The following PSD4 variants were observed in gnomAD, a reference collection of about 807,000 sequenced individuals.
PSD4 encodes the protein pleckstrin and Sec7 domain containing 4, also known as PH and SEC7 domain-containing protein 4.
A neutral mutation model predicts 112.5 loss-of-function variants in PSD4; 59 were observed. That is an observed-to-expected ratio of 0.52 (90% CI 0.43 to 0.65). The LOEUF is 0.65. PSD4 is among the 30% of genes least tolerant of loss of function. PSD4 has a pLI of 0.00. For synonymous variants in PSD4, 533 were observed against 540.0 expected (o/e 0.99, Z 0.18); for missense variants, 1,267 against 1,352.6 (o/e 0.94, Z 0.99).
intron 5 of PSD4, among the ~76,000 whole-genome samples, chr2:113,188,389 G>A (rs774969118): frequency 8.6e-5 from 13 of 151,948 alleles, no homozygotes; most frequent in African/African-American, 1.9e-4. Context: ...GATTACAGGC[G>A]TGTGCCACCA....
intron 6 of PSD4, among the ~76,000 whole-genome samples, chr2:113,192,826 C>G (rs1405993939): frequency 6.6e-6 from 1 of 152,236 alleles, no homozygotes. Context: ...CCAGACTCCA[C>G]AGGTCTCTCC....
intron 11 of PSD4, 28 bp downstream of exon 11, chr2:113,195,798 C>T: frequency 6.2e-7 from 1 of 1,613,742 alleles, no homozygotes; most frequent in Non-Finnish European, 8.5e-7. Flanking sequence ...TCCCCTCTCC[C>T]TCTCACCCCT....
At position 113,197,811 on chromosome 2, in the gene PSD4, G is replaced by A; in HGVS notation, c.2522G>A (p.Gly841Glu). ...LVGQMVDEPVGVHHSLATPAT... is the reference protein window; with the variant it reads ...LVGQMVDEPVEVHHSLATPAT... Reference sequence around the variant, plus strand: ...GGGCAGATGGTGGATGAGCCCGTGGGGGTGCACCACTCGCTGGCCACCCCC... The same window carrying A: ...GGGCAGATGGTGGATGAGCCCGTGGAGGTGCACCACTCGCTGGCCACCCCC... Residue 841 changes from glycine (G) to glutamate (E), a missense_variant, in exon 14 of 17, where the codon GGG (glycine) becomes GAG (glutamate). Gly to Glu is a moderately conservative substitution (Grantham distance 98). This residue lies in a region of PSD4 where 544 missense variants were observed against 648.6 expected (regional missense o/e 0.84). Coordinates refer to ENST00000245796, the MANE Select transcript of PSD4 (RefSeq NM_012455.3). The A allele has an allele frequency of 6.2e-7, 1 of 1,611,572 alleles. No homozygotes were observed. Among genetic ancestry groups the A allele is most frequent in the Non-Finnish European group, 8.5e-7 (1 of 1,178,170 alleles).
rs1370197367 is a variant in PSD4, at chr2:113,196,127, C to T, written c.2226-20C>T. On this transcript the variant is annotated intron_variant, in intron 11 of 16. Transcript: ENST00000245796. ...CTCTTTGCATAGTCAGCACTTCCAGCCCGATTCTCTGATGTTCAGGGATGA... is the reference window on the plus strand; with the variant it reads ...CTCTTTGCATAGTCAGCACTTCCAGTCCGATTCTCTGATGTTCAGGGATGA... The T allele has an allele frequency of 6.3e-7, 1 of 1,599,952 alleles. No individual in the cohort carries two copies. Among genetic ancestry groups the T allele is most frequent in the East Asian group, 2.2e-5 (1 of 44,472 alleles).
chr2:113,189,230 G>C (rs1688387203), intron 5 of PSD4, among the ~76,000 whole-genome samples: 1 of 151,788 alleles, frequency 6.6e-6, no homozygotes, highest in African/African-American at 2.4e-5. Flanking sequence ...TGCTGTGAGT[G>C]CCATTAATTC....
chr2:113,182,229 C>A, intron 1 of PSD4, 117 bp from the exon 2 acceptor site: 1 of 523,038 alleles, frequency 1.9e-6, no homozygotes, highest in Non-Finnish European at 3.4e-6. Context: ...GAGGGCAGTG[C>A]TAAGGAGCAG....
intron 5 of PSD4, among the ~76,000 whole-genome samples, chr2:113,191,998 A>T (rs1398375969): frequency 6.6e-6 from 1 of 151,930 alleles, no homozygotes; most frequent in East Asian, 1.9e-4. Context: ...GAGGTGGGGA[A>T]GGGACAAGGA....
intron 1 of PSD4, among the ~76,000 whole-genome samples, chr2:113,174,444 C>A (rs557785020): frequency 4.6e-5 from 7 of 152,312 alleles, no homozygotes; most frequent in African/African-American, 1.7e-4. Context: ...AGTGACTGCT[C>A]TGGCTGAGTA....
In PSD4 at chr2:113,182,823, A is replaced by G; in HGVS notation, c.367A>G (p.Arg123Gly). The G allele has an allele frequency of 4.3e-6, 7 of 1,612,060 alleles. No homozygotes were observed. The highest frequency in any genetic ancestry group is 5.9e-6 in the Non-Finnish European group (7 of 1,178,694). Residue 123 changes from arginine to glycine, a missense_variant, in exon 2 of 17, where the codon AGG becomes GGG. Transcript: ENST00000245796. ...LTHLGSPSAQ[R>G]EHRQNTASPG... ...ACACCTGGGGAGCCCCTCTGCCCAG[A>G]GGGAGCACAGGCAGAACACAGCATC... is the stretch of plus-strand genomic sequence containing the variant.
chr2:113,182,598 G>A lies in PSD4; in HGVS notation c.142G>A (p.Glu48Lys), dbSNP rs934505917. The A allele has an allele frequency of 6.2e-7, 1 of 1,613,996 alleles. No homozygotes were observed. Among genetic ancestry groups the A allele is most frequent in the East Asian group, 2.2e-5 (1 of 44,876 alleles). ...SHEDPPEPFE[E>K]QTWATDPPEP... The stretch of plus-strand genomic sequence containing the variant: ...TGAGGATCCACCGGAGCCTTTCGAG[G>A]AGCAAACCTGGGCCACTGACCCTCC... The change falls in exon 2 of 17, where the codon GAG (glutamate) becomes AAG (lysine). Residue 48 changes from glutamate (E) to lysine (K), a missense_variant. Physicochemically the swap from Glu to Lys is moderately conservative, Grantham distance 56. Coordinates refer to ENST00000245796, the MANE Select transcript of PSD4 (RefSeq NM_012455.3).
rs1688657134 is a variant in PSD4 at position 113,197,837 on chromosome 2, G to A, written c.2548G>A (p.Ala850Thr). The A allele has an allele frequency of 2.1e-5, 34 of 1,610,816 alleles. No homozygotes were observed. The highest frequency in any genetic ancestry group is 2.9e-5 in the Non-Finnish European group (34 of 1,177,900). ...GGTGCACCACTCGCTGGCCACCCCC[G>A]CCACGCATTACACCAAGAAGCCGCA... ...VGVHHSLATP[A>T]THYTKKPHVF... The change falls in exon 14 of 17, where the codon GCC becomes ACC. Residue 850 changes from alanine to threonine, a missense_variant. Ala to Thr is a moderately conservative substitution (Grantham distance 58, BLOSUM62 0). Around this residue, in one of 2 missense-constraint regions of PSD4, gnomAD observed 544 missense variants for 648.6 expected, o/e 0.84. Transcript: ENST00000245796.
intron 16 of PSD4, 137 bp from the exon 17 acceptor site, chr2:113,201,021 C>T (rs1029937429): frequency 2.5e-5 from 28 of 1,104,982 alleles, no homozygotes; most frequent in South Asian, 4.5e-5. Context: ...CTGACACTCA[C>T]GGTTGGTCCA....
intron 16 of PSD4, among the ~76,000 whole-genome samples, chr2:113,200,783 G>T (rs1356593289): frequency 6.6e-6 from 1 of 152,176 alleles, no homozygotes; most frequent in Non-Finnish European, 1.5e-5. Flanking sequence ...ATGCTATTTA[G>T]ACCCAATTAG....
chr2:113,201,447 G>A lies in PSD4; in HGVS notation c.*32G>A. 6.2e-7 allele frequency: 1 copy of A among 1,608,558 alleles called. No homozygotes were observed. The highest frequency in any genetic ancestry group is 8.5e-7 in the Non-Finnish European group (1 of 1,177,780). ...CACCACCTCAGAGACACTGTTCCCT[G>A]CTCCAGGGTAGACCTGAGATGAACC... On this transcript the variant is annotated 3_prime_UTR_variant, in exon 17 of 17. Transcript: ENST00000245796.
At chr2:113,195,102 G>A (rs1688561456) in intron 10 of PSD4, among the ~76,000 whole-genome samples, 1 of 151,930 alleles carries the variant, frequency 6.6e-6, no homozygotes, top group Non-Finnish European at 1.5e-5. Flanking sequence ...TCTCCTCCAT[G>A]AGAACTAGTT....
At chr2:113,189,687 T>C (rs1162608587) in intron 5 of PSD4, among the ~76,000 whole-genome samples, 1 of 152,168 alleles carries the variant, frequency 6.6e-6, no homozygotes, top group Non-Finnish European at 1.5e-5. Flanking sequence ...TATTTTTTGA[T>C]TTTTTGATTA....
chr2:113,184,377 CTT>C (rs10610865), intron 2 of PSD4, among the ~76,000 whole-genome samples: 27,343 of 125,414 alleles, frequency 0.22, 2,745 homozygotes, highest in South Asian at 0.26. Flanking sequence ...TCAGGACTTT[CTT>C]TTTTTTTTTT....
chr2:113,197,938 T>C (rs1688660238), intron 14 of PSD4, 25 bp downstream of exon 14: 2 of 1,539,100 alleles, frequency 1.3e-6, no homozygotes, highest in South Asian at 2.5e-5. Flanking sequence ...TGGGAGACTG[T>C]GGCAAGGCCT....
intron 14 of PSD4, chr2:113,198,276 ATTGT>A (rs1688668174): frequency 8.0e-6 from 2 of 251,112 alleles, no homozygotes; most frequent in Non-Finnish European, 1.5e-5. Context: ...TTTATTTTTT[ATTGT>A]TTATTTTTGA....
Sources: gnomAD v4.1 joint callset for allele counts (sites outside exome capture counted in the v4.1 genomes callset) on GRCh38, gnomAD v4.1.1 for gene constraint, gnomAD v4.1.1 regional missense constraint, MANE v1.5 for transcripts, NCBI Gene and HGNC (gene_info 2026-07-23, HGNC 2026-07-21) for gene names.